UBAP2: variants seen among roughly 807,000 people sequenced by gnomAD.
UBAP2 encodes the protein ubiquitin associated protein 2.
Under a neutral mutation model 139.6 loss-of-function variants are expected in UBAP2, and 75 were observed. The ratio of observed to expected loss-of-function variants is 0.54; its 90% CI spans 0.45 to 0.65. The LOEUF (loss-of-function observed/expected upper bound fraction) is 0.65, where lower values mean the gene tolerates loss of function less well. Among genes scored for constraint, UBAP2 ranks in the 30% least tolerant of loss-of-function variants. The pLI is 0.00. For missense variants in UBAP2, 1,368 were observed against 1,369.6 expected, an observed-to-expected ratio of 1.00 and a Z score of 0.02; for synonymous variants, 526 against 526.2, an observed-to-expected ratio of 1.00 and a Z score of 0.01.
rs892547250 is a variant in UBAP2, at chr9:33,986,795, T to C, written c.485A>G (p.Lys162Arg). The change falls in exon 6 of 29, where the codon AAA (lysine) becomes AGA (arginine). Residue 162 changes from lysine to arginine, a missense_variant. By Grantham distance (26) the Lys-to-Arg change is conservative. Transcript: ENST00000379238. ...ENGIDCNQVD[K>R]PSDRGKRARG... ...GGCTCGCTTGCCACGATCTGAAGGT[T>C]TGTCCACTTGATTGCAATCAATTCC... 1.9e-6 allele frequency: 3 copies of C among 1,614,110 alleles called. No individual in the cohort carries two copies. The highest frequency in any genetic ancestry group is 2.5e-6 in the Non-Finnish European group (3 of 1,180,008).
intron 12 of UBAP2, among the ~76,000 whole-genome samples, chr9:33,951,535 T>C (rs374134621): frequency 5.8e-4 from 88 of 151,694 alleles, no homozygotes; most frequent in African/African-American, 2.1e-3. Context: ...TTAGTAGAGA[T>C]GGGGTTTTAC....
chr9:33,963,843 A>C, intron 8 of UBAP2, 52 bp from the exon 9 acceptor site: 32 of 1,273,554 alleles, frequency 2.5e-5, no homozygotes, highest in Non-Finnish European at 3.6e-5. Flanking sequence ...GAATGAAAGT[A>C]TTCATCACAG....
At chr9:33,924,475 A>G (rs1311245882) in intron 22 of UBAP2, among the ~76,000 whole-genome samples, 191 bp from the exon 23 acceptor site, 3 of 152,160 alleles carry the variant, frequency 2.0e-5, no homozygotes, top group Non-Finnish European at 2.9e-5. Flanking sequence ...TGCCTAACAC[A>G]TAAGCACACA....
rs746221826 is a variant in UBAP2, at chr9:33,922,715, A to G, written c.3236T>C (p.Leu1079Pro). The G allele has an allele frequency of 6.4e-7, 1 of 1,550,602 alleles. No individual in the cohort carries two copies. The highest frequency in any genetic ancestry group is 8.7e-7 in the Non-Finnish European group (1 of 1,148,872). ...PAHQQPHSQL[L>P]HHHLPQDAQS... is the part of the protein sequence containing the mutation. The stretch of plus-strand genomic sequence containing the variant: ...TGCATCCTGCGGAAGGTGGTGGTGC[A>G]GCAGCTGTGAGTGGGGCTGCTGGTG... The change falls in exon 28 of 29, where the codon CTG becomes CCG. Residue 1079 changes from leucine to proline, a missense_variant. By Grantham distance (98) the Leu-to-Pro change is moderately conservative. Transcript: ENST00000379238.
At chr9:33,957,951 G>A (rs1826705906) in intron 10 of UBAP2, among the ~76,000 whole-genome samples, 1 of 152,070 alleles carries the variant, frequency 6.6e-6, no homozygotes. Flanking sequence ...TGTGTGGGAA[G>A]GGTTTTTTTT....
Position 33,926,637 on chromosome 9 carries a change from G to C in UBAP2, c.2491C>G (p.Leu831Val). The change falls in exon 22 of 29, where the codon CTG (leucine) becomes GTG (valine). Residue 831 changes from leucine to valine, a missense_variant. By Grantham distance (32) the Leu-to-Val change is conservative. Coordinates refer to ENST00000379238, the MANE Select transcript of UBAP2 (RefSeq NM_001370062.2). ...PIYGYDELQMLQSRLPVDYYG... is the reference protein window; with the variant it reads ...PIYGYDELQMVQSRLPVDYYG... The stretch of plus-strand genomic sequence containing the variant: ...CTCACCACTGGCAGCCGTGACTGCA[G>C]CATCTGGAGCTCGTCATAGCCATAG... 6.2e-7 allele frequency: 1 copy of C among 1,614,218 alleles called. No homozygotes were observed. The highest frequency in any genetic ancestry group is 2.2e-5 in the East Asian group (1 of 44,892).
At chr9:33,992,338 G>A (rs1018538084) in intron 4 of UBAP2, among the ~76,000 whole-genome samples, 2 of 136,510 alleles carry the variant, frequency 1.5e-5, no homozygotes, top group South Asian at 2.3e-4. Context: ...GTGGTGAGCC[G>A]AGATCACGCC....
At chr9:33,977,772 T>C (rs1267670719) in intron 6 of UBAP2, among the ~76,000 whole-genome samples, 2 of 151,536 alleles carry the variant, frequency 1.3e-5, no homozygotes, top group Non-Finnish European at 2.9e-5. Context: ...GAATGATTCT[T>C]GTGCCTCAGT....
At chr9:33,994,629 CTA>C (rs1821994624) in intron 4 of UBAP2, 1 of 151,300 alleles carries the variant, frequency 6.6e-6, no homozygotes. Context: ...TAAACAAAAA[CTA>C]TTCAAAATTT....
intron 2 of UBAP2, among the ~76,000 whole-genome samples, chr9:34,007,486 CAA>C (rs34275156): frequency 2.2e-4 from 28 of 128,464 alleles, no homozygotes; most frequent in Admixed American, 3.2e-4. Context: ...GACCCTGTCT[CAA>C]AAAAAAAAAA....
chr9:34,005,147 C>G (rs530116897), intron 2 of UBAP2, among the ~76,000 whole-genome samples: 2 of 151,524 alleles, frequency 1.3e-5, no homozygotes, highest in Non-Finnish European at 2.9e-5. Context: ...CCTGAAATCC[C>G]AACTACTCAG....
chr9:33,994,212 A>G (rs1451819105), intron 4 of UBAP2, among the ~76,000 whole-genome samples: 1 of 152,174 alleles, frequency 6.6e-6, no homozygotes, highest in Non-Finnish European at 1.5e-5. Flanking sequence ...TTTCTAATAC[A>G]TAGCCCAGAA....
Position 33,943,422 on chromosome 9 carries a change from T to G in UBAP2, c.1713A>C (p.Leu571Phe), listed in dbSNP as rs1825399814. The G allele has an allele frequency of 6.2e-7, 1 of 1,614,158 alleles. No individual in the cohort carries two copies. The highest frequency in any genetic ancestry group is 8.5e-7 in the Non-Finnish European group (1 of 1,180,006). Residue 571 changes from leucine to phenylalanine, a missense_variant and splice_region_variant, in exon 15 of 29, where the codon TTA becomes TTC. By Grantham distance (22) the Leu-to-Phe change is conservative. Coordinates refer to ENST00000379238, the MANE Select transcript of UBAP2 (RefSeq NM_001370062.2). Reference sequence around the variant, plus strand: ...TAACAAAGGACTAAATTCAGTACCTTAAAGACTTCGAATACAAGCTGATGG... The same window carrying G: ...TAACAAAGGACTAAATTCAGTACCTGAAAGACTTCGAATACAAGCTGATGG... Reference protein sequence around the residue: ...QIPISLYSKSLSEPLNTSLSM... With the variant: ...QIPISLYSKSFSEPLNTSLSM...
chr9:33,947,711 C>T (rs1825750654), intron 13 of UBAP2, among the ~76,000 whole-genome samples: 1 of 151,640 alleles, frequency 6.6e-6, no homozygotes, highest in Non-Finnish European at 1.5e-5. Flanking sequence ...TATAGTCCCA[C>T]CTACTAGAGA....
chr9:33,923,517 G>A (rs2130847176), intron 24 of UBAP2, 39 bp from the exon 25 acceptor site: 2 of 1,594,522 alleles, frequency 1.3e-6, no homozygotes, highest in Non-Finnish European at 1.7e-6. Context: ...TGTAGGAAGA[G>A]GCAAGCTGAG....
intron 6 of UBAP2, among the ~76,000 whole-genome samples, chr9:33,975,369 T>C (rs562436255): frequency 1.8e-4 from 26 of 147,334 alleles, no homozygotes; most frequent in Admixed American, 4.1e-4. Context: ...GAGGCAGAGG[T>C]TGCAGTGAGC....
chr9:33,965,718 T>A (rs994104416), intron 8 of UBAP2, among the ~76,000 whole-genome samples: 1 of 152,200 alleles, frequency 6.6e-6, no homozygotes, highest in African/African-American at 2.4e-5. Flanking sequence ...TTGATTTATG[T>A]GTCTTGCTTA....
chr9:33,973,359 T>G, intron 6 of UBAP2, 122 bp from the exon 7 acceptor site: 1 of 1,096,636 alleles, frequency 9.1e-7, no homozygotes, highest in Non-Finnish European at 1.4e-6. Flanking sequence ...AGCACCAACA[T>G]TCCAATCCAG....
chr9:34,048,192 A>G (rs956217554), intron 1 of UBAP2, among the ~76,000 whole-genome samples: 21 of 152,230 alleles, frequency 1.4e-4, no homozygotes, highest in African/African-American at 4.8e-4. Context: ...TAACAGAGAG[A>G]GCTTTGCCGT....
Sources: gnomAD v4.1 joint callset for allele counts (sites outside exome capture counted in the v4.1 genomes callset) on GRCh38, gnomAD v4.1.1 for gene constraint, MANE v1.5 for transcripts, NCBI Gene and HGNC (gene_info 2026-07-23, HGNC 2026-07-21) for gene names.